Variants in COL16A1 observed in about 807,000 individuals in gnomAD.
The protein encoded by COL16A1 is collagen type XVI alpha 1 chain.
A neutral mutation model predicts 266.3 loss-of-function variants in COL16A1; 189 were observed. The ratio of observed to expected loss-of-function variants is 0.71; its 90% CI spans 0.63 to 0.80. The LOEUF is 0.80. Ranked by LOEUF, COL16A1 falls within the 30% of genes least tolerant of loss-of-function variation. The probability of loss-of-function intolerance (pLI) is 0.00; values close to 1 mark genes in which losing one functional copy is unlikely to be tolerated. For synonymous variants in COL16A1, 740 were observed against 782.3 expected (o/e 0.95, Z 0.90); for missense variants, 1,928 against 2,122.4 (o/e 0.91, Z 1.80).
chr1:31,684,870 A>G lies in COL16A1; in HGVS notation c.2017-14T>C. 6.2e-7 allele frequency: 1 copy of G among 1,613,552 alleles called. No individual in the cohort carries two copies. The highest frequency in any genetic ancestry group is 1.3e-5 in the African/African-American group (1 of 75,010). ...TCCAGCCTTGCCCTGAGGAGAAAGC[A>G]TTTCCAGCACCCGCTCACTCATACC... is the stretch of plus-strand genomic sequence containing the variant. On this transcript the variant is annotated splice_polypyrimidine_tract_variant and intron_variant, in intron 29 of 70. Transcript: ENST00000373672.
Position 31,692,056 on chromosome 1 carries a change from G to C in COL16A1, c.1206C>G (p.Gly402=). Reference sequence around the variant, plus strand: ...CCTTGATGCCTCCGTCGCCCTTCTCGCCTTTCTGGCCCTGGGGAAGGAAGA... The same window carrying C: ...CCTTGATGCCTCCGTCGCCCTTCTCCCCTTTCTGGCCCTGGGGAAGGAAGA... ...PGSTGEKGQK[G]EKGDGGIKGV... is the part of the protein sequence containing the mutation. The change falls in exon 17 of 71, where the codon GGC becomes GGG. Residue 402 remains glycine, a synonymous_variant. Coordinates refer to ENST00000373672, the MANE Select transcript of COL16A1 (RefSeq NM_001856.4). The C allele has an allele frequency of 6.2e-7, 1 of 1,613,696 alleles. No individual in the cohort carries two copies. The highest frequency in any genetic ancestry group is 8.5e-7 in the Non-Finnish European group (1 of 1,179,990).
Position 31,665,584 on chromosome 1 carries a change from G to T in COL16A1, c.3491C>A (p.Pro1164Gln). ...FQGQPGFPGP[P>Q]GPPGFPGKVG... Reference sequence around the variant, plus strand: ...TGGCTTTGTGTCTTCTTCACTCACCGGTGGGCCCGGAAAGCCTGGCTGGCC... The same window carrying T: ...TGGCTTTGTGTCTTCTTCACTCACCTGTGGGCCCGGAAAGCCTGGCTGGCC... Residue 1164 changes from proline (P) to glutamine (Q), a missense_variant and splice_region_variant, in exon 55 of 71, where the codon CCG becomes CAG. Physicochemically the swap from Pro to Gln is moderately conservative, Grantham distance 76. Around this residue, in one of 2 missense-constraint regions of COL16A1, gnomAD observed 1,552 missense variants for 1,637.2 expected, o/e 0.95. Transcript: ENST00000373672. 1 of 1,614,144 alleles carries T rather than the reference G, an allele frequency of 6.2e-7. No homozygotes were observed. Among genetic ancestry groups the T allele is most frequent in the South Asian group, 1.1e-5 (1 of 91,080 alleles).
At chr1:31,696,259 G>T in intron 8 of COL16A1, 118 bp from the exon 9 acceptor site, 1 of 864,280 alleles carries the variant, frequency 1.2e-6, no homozygotes, top group Admixed American at 2.1e-5. Context: ...CTGGCATCTG[G>T]CACCTCCTGG....
rs899980596 is a variant in COL16A1, at chr1:31,655,239, G to A, written c.4290+75C>T. On this transcript the variant is annotated intron_variant, in intron 67 of 70. Coordinates refer to ENST00000373672, the MANE Select transcript of COL16A1 (RefSeq NM_001856.4). Reference sequence around the variant, plus strand: ...TCCCACAGAATGTCAGCAGGAGCTTGGAAGATGATCCGAGCTCCACCCCAC... The same window carrying A: ...TCCCACAGAATGTCAGCAGGAGCTTAGAAGATGATCCGAGCTCCACCCCAC... 17 of 1,532,180 alleles carry A rather than the reference G, an allele frequency of 1.1e-5. No homozygotes were observed. In the African/African-American group the frequency reaches 2.4e-4, roughly 21 times the overall value. The allele number at this position is 1,532,180 out of a possible 1,614,324, so 94.9% of individuals were successfully genotyped here.
Position 31,686,253 on chromosome 1 carries a change from A to C in COL16A1, c.1830T>G (p.Ala610=). 6.2e-7 allele frequency: 1 copy of C among 1,614,194 alleles called. No individual in the cohort carries two copies. Among genetic ancestry groups the C allele is most frequent in the East Asian group, 2.2e-5 (1 of 44,890 alleles). ...TCCAAAACATACTTACTGGACTGCCAGCTGGCCCTGCCTCCCCGAAGTTAC... is the reference window on the plus strand; with the variant it reads ...TCCAAAACATACTTACTGGACTGCCCGCTGGCCCTGCCTCCCCGAAGTTAC... ...EKGNFGEAGP[A]GSPGPPGPVG... is the part of the protein sequence containing the mutation. Residue 610 remains alanine, a synonymous_variant, in exon 27 of 71, where the codon GCT becomes GCG. Transcript: ENST00000373672.
rs142042781 is a variant in COL16A1, at chr1:31,664,547, G to T, written c.3555+625C>A. Among the ~76,000 whole-genome samples, 14 of 152,130 alleles carry T rather than the reference G, an allele frequency of 9.2e-5. No homozygotes were observed. The highest frequency in any genetic ancestry group is 1.6e-4 in the Non-Finnish European group (11 of 68,016). On this transcript the variant is annotated intron_variant, in intron 56 of 70. Coordinates refer to ENST00000373672, the MANE Select transcript of COL16A1 (RefSeq NM_001856.4). This position sits in a 1 kb window ranked among gnomAD's most constrained non-coding sequence, Gnocchi z 5.5. ...ATCTAGGGAGCCCAGAGGTTGGGCC[G>T]AGACAGGGATGTCAGCCCCAAGCCA...
intron 62 of COL16A1, 29 bp downstream of exon 62, chr1:31,660,556 G>C (rs754064643): frequency 9.3e-6 from 15 of 1,613,222 alleles, no homozygotes; most frequent in Non-Finnish European, 1.2e-5. Context: ...AACTCTTATG[G>C]AGACAGAGAC....
rs1210181053 is a variant in COL16A1, at chr1:31,668,194, G to A, written c.3274C>T (p.Pro1092Ser). 1 of 1,612,926 alleles carries A rather than the reference G, an allele frequency of 6.2e-7. No individual in the cohort carries two copies. The highest frequency in any genetic ancestry group is 2.2e-5 in the East Asian group (1 of 44,824). The stretch of plus-strand genomic sequence containing the variant: ...AGTCCTGGGGGGCCCGTGGCACCTG[G>A]GTAACCTGGTTGCCCTGGAGGACCC... ...EPGPPGQPGY[P>S]GATGPPGLPG... The change falls in exon 51 of 71, where the codon CCA becomes TCA. Residue 1092 changes from proline to serine, a missense_variant. Transcript: ENST00000373672. This position sits in a 1 kb window ranked among gnomAD's most constrained non-coding sequence, Gnocchi z 5.8.
At chr1:31,661,890 G>T in intron 58 of COL16A1, 186 bp from the exon 59 acceptor site, 1 of 660,698 alleles carries the variant, frequency 1.5e-6, no homozygotes, top group Non-Finnish European at 2.6e-6. Flanking sequence ...CCGGGCCTTA[G>T]CTTTCCTTCT....
Position 31,668,420 on chromosome 1 carries a change from C to T in COL16A1, c.3250-202G>A, listed in dbSNP as rs926143841. On this transcript the variant is annotated intron_variant, in intron 50 of 70. Transcript: ENST00000373672. This position sits in a 1 kb window ranked among gnomAD's most constrained non-coding sequence, Gnocchi z 5.8. ...CCACCACAGACCTGGGCTGGGGAGG[C>T]GAACCCCAGCCTGGCCCAGACCCTG... Among the ~76,000 whole-genome samples the T allele has an allele frequency of 2.0e-5, 3 of 151,996 alleles. No individual in the cohort carries two copies. The highest frequency in any genetic ancestry group is 4.8e-5 in the African/African-American group (2 of 41,362).
At position 31,697,798 on chromosome 1, in the gene COL16A1, G is replaced by A. The variant is rs1440683567; in HGVS notation, c.657+108C>T. On this transcript the variant is annotated intron_variant, in intron 6 of 70. Transcript: ENST00000373672. This position sits in a 1 kb window ranked among gnomAD's most constrained non-coding sequence, Gnocchi z 4.2. ...GCATTTGGAGGGCAACAGGAAAGCA[G>A]GGGAAGATTCTAAGCAGGAGAAGGA... The A allele has an allele frequency of 2.3e-6, 3 of 1,332,982 alleles. No homozygotes were observed. The highest frequency in any genetic ancestry group is 3.1e-6 in the Non-Finnish European group (3 of 979,340). 82.6% of individuals were successfully genotyped at this position (1,332,982 alleles called of 1,614,324 possible). A position where few individuals can be genotyped will look rare whatever the true frequency, so the allele number is the denominator to read the frequency against.
At position 31,670,325 on chromosome 1, in the gene COL16A1, G is replaced by A. The variant is rs967406464; in HGVS notation, c.3195+277C>T. On this transcript the variant is annotated intron_variant, in intron 49 of 70. Transcript: ENST00000373672. This position sits in a 1 kb window ranked among gnomAD's most constrained non-coding sequence, Gnocchi z 4.5. ...TTGGGGGAGTGCTGCAAGATGGTGC[G>A]AGAAATGGAGAAGGAAGACAGAACG... 24 of 388,674 alleles carry A rather than the reference G, an allele frequency of 6.2e-5. No individual in the cohort carries two copies. The highest frequency in any genetic ancestry group is 2.3e-4 in the Admixed American group (5 of 22,030). The allele number at this position is 388,674 out of a possible 1,614,324, so 24.1% of individuals were successfully genotyped here.
chr1:31,683,379 A>G lies in COL16A1; in HGVS notation c.2380-10T>C. ...GGGCTCCAGGCTCCCCCTGCAAGTCAGAAAGGGCAGACTAGGGCACAGCAG... is the reference window on the plus strand; with the variant it reads ...GGGCTCCAGGCTCCCCCTGCAAGTCGGAAAGGGCAGACTAGGGCACAGCAG... On this transcript the variant is annotated splice_polypyrimidine_tract_variant and intron_variant, in intron 34 of 70. Transcript: ENST00000373672. 2 of 1,613,898 alleles carry G rather than the reference A, an allele frequency of 1.2e-6. No homozygotes were observed. Among genetic ancestry groups the G allele is most frequent in the Non-Finnish European group, 1.7e-6 (2 of 1,180,022 alleles).
chr1:31,653,360 G>A (rs1361704281), intron 70 of COL16A1: 4 of 463,166 alleles, frequency 8.6e-6, no homozygotes, highest in Non-Finnish European at 1.1e-5. Flanking sequence ...CCTCCATGCA[G>A]CTCTCTCCTA....
chr1:31,701,573 C>T, intron 2 of COL16A1: 1 of 985,380 alleles, frequency 1.0e-6, no homozygotes, highest in Non-Finnish European at 1.2e-6. Flanking sequence ...AAAGCTGCAC[C>T]CTCTGTCTCA....
rs1020720039 is a variant in COL16A1 at position 31,670,486 on chromosome 1, G to T, written c.3195+116C>A. 1 of 1,257,954 alleles carries T rather than the reference G, an allele frequency of 7.9e-7. No homozygotes were observed. The highest frequency in any genetic ancestry group is 1.0e-6 in the Non-Finnish European group (1 of 979,576). The allele number at this position is 1,257,954 out of a possible 1,614,324, so 77.9% of individuals were successfully genotyped here. A position where few individuals can be genotyped will look rare whatever the true frequency, so the allele number is the denominator to read the frequency against. Reference sequence around the variant, plus strand: ...CGTGTCGTTAGCTACCGTGCCTGAAGGGGGACAACAAACACGGAGGACGGA... The same window carrying T: ...CGTGTCGTTAGCTACCGTGCCTGAATGGGGACAACAAACACGGAGGACGGA... On this transcript the variant is annotated intron_variant, in intron 49 of 70. Coordinates refer to ENST00000373672, the MANE Select transcript of COL16A1 (RefSeq NM_001856.4). The surrounding 1 kb of genome is among the most constrained non-coding windows in gnomAD (Gnocchi z 4.5).
chr1:31,674,048 G>A (rs1272370113), intron 44 of COL16A1, among the ~76,000 whole-genome samples: 3 of 152,222 alleles, frequency 2.0e-5, no homozygotes, highest in Non-Finnish European at 4.4e-5. Context: ...ACCTCACTGT[G>A]ATCCAACATG....
chr1:31,672,438 A>T lies in COL16A1; in HGVS notation c.3083T>A (p.Leu1028Ter), dbSNP rs1359147039. The change falls in exon 47 of 71, where the codon TTG (leucine) becomes TAG (stop). Residue 1028 changes from leucine to a stop codon, truncating the protein, a stop_gained. Coordinates refer to ENST00000373672, the MANE Select transcript of COL16A1 (RefSeq NM_001856.4). LOFTEE classifies it high-confidence loss of function. ...GSPGLPGPPG[L>*]PGQRGEEGPP... ...TACCTCTTCTCCTCTCTGGCCTGGC[A>T]ATCCCGGAGGACCAGGTAGGCCTGG... 1 of 1,614,168 alleles carries T rather than the reference A, an allele frequency of 6.2e-7. No individual in the cohort carries two copies. The highest frequency in any genetic ancestry group is 8.5e-7 in the Non-Finnish European group (1 of 1,180,020).
In COL16A1 at chr1:31,698,106, A is replaced by G; in HGVS notation, c.457T>C (p.Phe153Leu). The change falls in exon 6 of 71, where the codon TTT becomes CTT. Residue 153 changes from phenylalanine to leucine, a missense_variant. By Grantham distance (22) the Phe-to-Leu change is conservative. Coordinates refer to ENST00000373672, the MANE Select transcript of COL16A1 (RefSeq NM_001856.4). This position sits in a 1 kb window ranked among gnomAD's most constrained non-coding sequence, Gnocchi z 4.1. ...ELRAQGQDGD[F>L]VSCIFPVPQL... ...GGCACTGGGAAGATGCAGGACACAA[A>G]GTCGCCATCCTGGCCCTGGGCCCTG... The G allele has an allele frequency of 6.2e-7, 1 of 1,613,986 alleles. No homozygotes were observed.
Sources: gnomAD v4.1 joint callset for allele counts (sites outside exome capture counted in the v4.1 genomes callset) on GRCh38, gnomAD v4.1.1 for gene constraint, gnomAD v4.1.1 regional missense constraint, Gnocchi (gnomAD v3.1) non-coding constraint, MANE v1.5 for transcripts, NCBI Gene and HGNC (gene_info 2026-07-23, HGNC 2026-07-21) for gene names.